Variants in TMEM175 observed in about 807,000 individuals in gnomAD.
TMEM175 encodes transmembrane protein 175.
TMEM175 carries 36 observed loss-of-function variants against 36.5 expected under a neutral mutation model. The observed-to-expected ratio is 0.99, with a 90% CI of 0.76 to 1.30. The LOEUF (loss-of-function observed/expected upper bound fraction) is 1.30. TMEM175 is among the 50% of genes most tolerant of loss of function. The probability of loss-of-function intolerance (pLI) is 0.00; values close to 1 mark genes in which losing one functional copy is unlikely to be tolerated. For synonymous variants in TMEM175, 339 were observed against 313.4 expected (o/e 1.08, Z -0.86); for missense variants, 705 against 692.8 (o/e 1.02, Z -0.20).
chr4:951,549 G>C, intron 5 of TMEM175, 133 bp from the exon 6 acceptor site: 3 of 1,183,784 alleles, frequency 2.5e-6, no homozygotes, highest in Non-Finnish European at 3.7e-6. Flanking sequence ...GGGTCTGGGG[G>C]CTGGACTCAC....
chr4:955,908 C>T lies in TMEM175; in HGVS notation c.842+18C>T, dbSNP rs1245473683. 3.1e-6 allele frequency: 5 copies of T among 1,607,980 alleles called. No individual in the cohort carries two copies. In the African/African-American group the frequency reaches 6.7e-5, roughly 21 times the overall value. On this transcript the variant is annotated intron_variant, in intron 10 of 10. Coordinates refer to ENST00000264771, the MANE Select transcript of TMEM175 (RefSeq NM_032326.4). ...GACATCTGGTGAGGACCCCGCGTCA[C>T]CTGCCCCAGCTATCAGGTGGCCAAT...
intron 1 of TMEM175, among the ~76,000 whole-genome samples, chr4:935,395 C>T (rs977114029): frequency 2.6e-5 from 4 of 152,164 alleles, no homozygotes; most frequent in African/African-American, 9.7e-5. Context: ...AACTGATTTC[C>T]TAAATTTCAT....
At chr4:956,137 G>A (rs1015894449) in intron 10 of TMEM175, among the ~76,000 whole-genome samples, 7 of 142,862 alleles carry the variant, frequency 4.9e-5, no homozygotes, top group Non-Finnish European at 7.4e-5. Context: ...CGAGGATGGG[G>A]TGCCAGGGTG....
chr4:948,234 C>G, intron 3 of TMEM175, 80 bp downstream of exon 3: 2 of 1,612,438 alleles, frequency 1.2e-6, no homozygotes, highest in Non-Finnish European at 1.7e-6. Context: ...GCACAGGGTG[C>G]TGACCCTGCA....
At chr4:946,356 T>C (rs1489176317) in intron 1 of TMEM175, among the ~76,000 whole-genome samples, 1 of 152,252 alleles carries the variant, frequency 6.6e-6, no homozygotes, top group Admixed American at 6.5e-5. Context: ...CCACATTCTA[T>C]GTTTGGGGAA....
At chr4:938,688 A>G (rs1727087430) in intron 1 of TMEM175, among the ~76,000 whole-genome samples, 2 of 152,240 alleles carry the variant, frequency 1.3e-5, no homozygotes, top group African/African-American at 4.8e-5. Flanking sequence ...ACTTGGGATA[A>G]ATGTGAAAAA....
intron 10 of TMEM175, among the ~76,000 whole-genome samples, chr4:957,149 C>T (rs967543466): frequency 1.3e-5 from 2 of 152,358 alleles, no homozygotes; most frequent in East Asian, 3.9e-4. Context: ...TGCCTCCAGT[C>T]TGTCTCCTGC....
chr4:947,243 CCGAGAG>C (rs1553906009), intron 1 of TMEM175, among the ~76,000 whole-genome samples: 1 of 145,278 alleles, frequency 6.9e-6, no homozygotes, highest in Non-Finnish European at 1.5e-5. Context: ...TGCACGGGCC[CCGAGAG>C]CGAGAGCGGG....
chr4:951,775 C>G (rs1357567768), intron 6 of TMEM175, 58 bp downstream of exon 6: 3 of 1,579,492 alleles, frequency 1.9e-6, no homozygotes, highest in Non-Finnish European at 2.6e-6. Flanking sequence ...CTGGATTTGA[C>G]CTGTCCTCAA....
chr4:948,850 G>A (rs772278099), intron 3 of TMEM175, among the ~76,000 whole-genome samples: 1 of 152,212 alleles, frequency 6.6e-6, no homozygotes, highest in Non-Finnish European at 1.5e-5. Context: ...GTCCTGACTC[G>A]TGAGCTGAGC....
chr4:948,594 G>A (rs763350875), intron 3 of TMEM175: 15 of 1,304,634 alleles, frequency 1.1e-5, no homozygotes, highest in South Asian at 9.9e-5. Flanking sequence ...CTCCCACCCC[G>A]GCTGCTCCTG....
intron 1 of TMEM175, among the ~76,000 whole-genome samples, chr4:945,230 C>T (rs1272292150): frequency 6.7e-6 from 1 of 148,182 alleles, no homozygotes; most frequent in African/African-American, 2.5e-5. Context: ...TTAACTGTTG[C>T]TAAACTGTCG....
chr4:949,441 G>A (rs1476980975), intron 3 of TMEM175, among the ~76,000 whole-genome samples: 3 of 152,190 alleles, frequency 2.0e-5, no homozygotes, highest in Non-Finnish European at 2.9e-5. Flanking sequence ...AAGGCCTGAC[G>A]TGTGTCCCAG....
rs201969822 is a variant in TMEM175, at chr4:957,907, G to A, written c.926G>A (p.Arg309His). 222 of 1,612,876 alleles carry A rather than the reference G, an allele frequency of 1.4e-4. No individual in the cohort carries two copies. In the Admixed American group the frequency reaches 1.4e-3, roughly 10 times the overall value. The change falls in exon 11 of 11, where the codon CGC becomes CAC. Residue 309 changes from arginine (R) to histidine (H), a missense_variant. Arg to His is a conservative substitution (Grantham distance 29, BLOSUM62 0). Coordinates refer to ENST00000264771, the MANE Select transcript of TMEM175 (RefSeq NM_032326.4). ...LVAALSATGP[R>H]FLAYFGSFAT... ...GCCGCCCTGAGTGCGACCGGGCCGC[G>A]CTTCCTGGCGTACTTCGGCTCCTTC...
intron 7 of TMEM175, 31 bp from the exon 8 acceptor site, chr4:953,159 G>A: frequency 6.4e-7 from 1 of 1,573,200 alleles, no homozygotes; most frequent in African/African-American, 1.3e-5. Context: ...TGCTCTTGGG[G>A]CCTGTGTCCT....
intron 3 of TMEM175, 59 bp from the exon 4 acceptor site, chr4:950,362 C>G (rs1013053314): frequency 5.8e-6 from 8 of 1,382,136 alleles, no homozygotes; most frequent in Non-Finnish European, 8.2e-6. Flanking sequence ...GCTGTCTCGA[C>G]TGCCATTCAG....
chr4:952,557 C>G, intron 7 of TMEM175, 107 bp downstream of exon 7: 1 of 1,065,208 alleles, frequency 9.4e-7, no homozygotes, highest in Non-Finnish European at 1.3e-6. Context: ...GCCCAGGGGG[C>G]CTGCACTGTG....
At chr4:954,854 T>C (rs1004587892) in intron 8 of TMEM175, among the ~76,000 whole-genome samples, 37 of 152,304 alleles carry the variant, frequency 2.4e-4, no homozygotes, top group African/African-American at 8.9e-4. Flanking sequence ...AGAATCTCGT[T>C]GTGGTTTTGA....
chr4:934,319 A>G (rs1726554254), intron 1 of TMEM175, among the ~76,000 whole-genome samples: 1 of 152,276 alleles, frequency 6.6e-6, no homozygotes, highest in Admixed American at 6.5e-5. Flanking sequence ...AAGAGCAGTC[A>G]GTGAAGGAGG....
Sources: allele counts gnomAD v4.1 joint callset (sites outside exome capture counted in the v4.1 genomes callset), GRCh38; gene constraint gnomAD v4.1.1; transcripts MANE v1.5; gene names NCBI Gene and HGNC (gene_info 2026-07-23, HGNC 2026-07-21).